The following USP54 variants were observed in gnomAD, a reference collection of about 807,000 sequenced individuals.
The protein encoded by USP54 is ubiquitin carboxyl-terminal hydrolase 54.
A neutral mutation model predicts 170.5 loss-of-function variants in USP54; 87 were observed. That is an observed-to-expected ratio of 0.51 (90% confidence interval 0.43 to 0.61). The LOEUF (loss-of-function observed/expected upper bound fraction) is 0.61, where lower values mean the gene tolerates loss of function less well. USP54 is among the 20% of genes least tolerant of loss of function. The pLI is 0.00. For synonymous variants in USP54, 655 were observed against 742.8 expected (o/e 0.88, Z 1.92); for missense variants, 1,786 against 2,047.8 (o/e 0.87, Z 2.47).
At chr10:73,504,826 T>C (rs751187479) in intron 22 of USP54, 24 bp downstream of exon 22, 3 of 1,614,186 alleles carry the variant, frequency 1.9e-6, no homozygotes, top group South Asian at 2.2e-5. Context: ...GTGCTCTGAA[T>C]AGATGGACCC....
intron 1 of USP54, among the ~76,000 whole-genome samples, chr10:73,602,897 C>T (rs932054808): frequency 7.1e-6 from 1 of 141,064 alleles, no homozygotes; most frequent in African/African-American, 2.6e-5. Context: ...AATAGTGGTA[C>T]AAAATATCTT....
chr10:73,596,101 G>A (rs1175260859), upstream of USP54, among the ~76,000 whole-genome samples: 4 of 141,902 alleles, frequency 2.8e-5, no homozygotes, highest in Non-Finnish European at 6.1e-5. Context: ...ACAGAGCCAA[G>A]ACTCCATCTC....
intron 20 of USP54, chr10:73,506,764 A>C (rs1428465222): frequency 1.3e-5 from 2 of 152,156 alleles, no homozygotes; most frequent in Non-Finnish European, 2.9e-5. Flanking sequence ...AAAGTCTAAG[A>C]AAATATCCTT....
chr10:73,510,267 G>A (rs552299205), intron 20 of USP54, among the ~76,000 whole-genome samples: 37 of 151,914 alleles, frequency 2.4e-4, no homozygotes, highest in Non-Finnish European at 3.8e-4. Context: ...CCCGGGAGGC[G>A]GAGGTTGCAG....
chr10:73,554,190 T>C (rs761009531), intron 4 of USP54, among the ~76,000 whole-genome samples: 4 of 152,214 alleles, frequency 2.6e-5, no homozygotes, highest in Non-Finnish European at 4.4e-5. Context: ...AGGTTGTCAC[T>C]AATTTTGGTG....
intron 1 of USP54, among the ~76,000 whole-genome samples, 199 bp downstream of exon 1, chr10:73,591,079 A>G (rs1192327064): frequency 2.0e-5 from 3 of 152,082 alleles, no homozygotes; most frequent in Non-Finnish European, 4.4e-5. Flanking sequence ...GAGCACAAAC[A>G]ACAGCTTGAA....
chr10:73,530,075 C>G, intron 14 of USP54, 68 bp downstream of exon 14: 1 of 1,531,486 alleles, frequency 6.5e-7, no homozygotes, highest in South Asian at 1.3e-5. Context: ...TACCAAAAAA[C>G]CCAGGTTTTA....
intron 20 of USP54, among the ~76,000 whole-genome samples, chr10:73,512,419 G>A (rs1038149465): frequency 6.6e-6 from 1 of 152,116 alleles, no homozygotes; most frequent in Non-Finnish European, 1.5e-5. Flanking sequence ...TATTACAGGT[G>A]TGAGCCACTG....
chr10:73,517,481 T>C lies in USP54; in HGVS notation c.2945A>G (p.Glu982Gly). 1.2e-6 allele frequency: 2 copies of C among 1,614,222 alleles called. No homozygotes were observed. The highest frequency in any genetic ancestry group is 1.7e-6 in the Non-Finnish European group (2 of 1,180,036). The stretch of plus-strand genomic sequence containing the variant: ...CTCCCAACTATGATGAGAATTCTTC[T>C]CAGTCCACCCTGGTGCTTTAGGTAA... ...QGLPKAPGWT[E>G]KNSHHSWEPL... The change falls in exon 20 of 24, where the codon GAG (glutamate) becomes GGG (glycine). Residue 982 changes from glutamate (E) to glycine (G), a missense_variant. Physicochemically the swap from Glu to Gly is moderately conservative, Grantham distance 98. Around this residue, in one of 3 missense-constraint regions of USP54, gnomAD observed 1,418 missense variants for 1,569.0 expected, o/e 0.90. Coordinates refer to ENST00000687698, the MANE Select transcript of USP54 (RefSeq NM_001391956.1).
chr10:73,609,567 CG>C (rs935527756), intron 1 of USP54, among the ~76,000 whole-genome samples: 1 of 151,218 alleles, frequency 6.6e-6, no homozygotes, highest in African/African-American at 2.4e-5. Context: ...CAAAAATTGC[CG>C]GGCATGGTGG....
intron 11 of USP54, chr10:73,536,054 G>C (rs2065140357): frequency 1.7e-6 from 1 of 592,982 alleles, no homozygotes; most frequent in Non-Finnish European, 2.9e-6. Context: ...TCTGAGTTGA[G>C]GCCAAGTGAT....
chr10:73,527,921 C>T (rs2063232117), intron 15 of USP54, among the ~76,000 whole-genome samples: 1 of 150,016 alleles, frequency 6.7e-6, no homozygotes. Flanking sequence ...TTTAGTATTA[C>T]ATAAGTTTTA....
chr10:73,516,849 C>A lies in USP54; in HGVS notation c.3577G>T (p.Gly1193Trp). 6.2e-7 allele frequency: 1 copy of A among 1,614,252 alleles called. No individual in the cohort carries two copies. The highest frequency in any genetic ancestry group is 8.5e-7 in the Non-Finnish European group (1 of 1,180,052). The change falls in exon 20 of 24, where the codon GGG becomes TGG. Residue 1193 changes from glycine (G) to tryptophan (W), a missense_variant. Physicochemically the swap from Gly to Trp is radical, Grantham distance 184 (BLOSUM62 -2). Coordinates refer to ENST00000687698, the MANE Select transcript of USP54 (RefSeq NM_001391956.1). ...WAKQQSSLEG[G>W]DRPLSWEEST... ...TCTTCCCAGGAAAGTGGTCTATCCC[C>A]ACCCTCCAGAGAGGATTGTTGCTTT...
At chr10:73,603,037 C>T (rs2079323474) in intron 1 of USP54, among the ~76,000 whole-genome samples, 1 of 151,996 alleles carries the variant, frequency 6.6e-6, no homozygotes, top group Non-Finnish European at 1.5e-5. Context: ...TAAGAAAGAA[C>T]TCATCCCACC....
chr10:73,607,327 A>G (rs2079735272), intron 1 of USP54, among the ~76,000 whole-genome samples: 1 of 93,876 alleles, frequency 1.1e-5, no homozygotes. Flanking sequence ...GCTTAAAAAA[A>G]AAAAAAAAAG....
intron 1 of USP54, among the ~76,000 whole-genome samples, chr10:73,609,999 G>C (rs926307286): frequency 2.0e-5 from 3 of 148,036 alleles, no homozygotes; most frequent in Non-Finnish European, 4.5e-5. Flanking sequence ...GATAGAGCAA[G>C]ACTCTGTCTC....
chr10:73,503,959 A>G (rs979897483), intron 22 of USP54, among the ~76,000 whole-genome samples: 2 of 152,046 alleles, frequency 1.3e-5, no homozygotes, highest in Admixed American at 1.3e-4. Context: ...CAGGTGATCC[A>G]CCATCCTTGG....
At chr10:73,560,663 CAAAAAAAAAAA>C (rs751168962) in intron 4 of USP54, among the ~76,000 whole-genome samples, 37 of 16,470 alleles carry the variant, frequency 2.2e-3, no homozygotes, top group African/African-American at 6.4e-3. Context: ...AACTCCGTCT[CAAAAAAAAAAA>C]AAAAAAAAAA....
At chr10:73,532,258 C>T (rs923372945) in intron 12 of USP54, among the ~76,000 whole-genome samples, 2 of 152,076 alleles carry the variant, frequency 1.3e-5, no homozygotes, top group African/African-American at 4.8e-5. Flanking sequence ...CTGCAAGCTC[C>T]GCCTTCCGGG....
Sources: gnomAD v4.1 joint callset for allele counts (sites outside exome capture counted in the v4.1 genomes callset) on GRCh38, gnomAD v4.1.1 for gene constraint, gnomAD v4.1.1 regional missense constraint, MANE v1.5 for transcripts, NCBI Gene and HGNC (gene_info 2026-07-23, HGNC 2026-07-21) for gene names.